The following JADE2 variants were observed in gnomAD, a reference collection of about 807,000 sequenced individuals.
The protein encoded by JADE2 is E3 ubiquitin-protein ligase Jade-2.
In JADE2, 13 loss-of-function variants were observed where a neutral mutation model predicts 85.7. The observed-to-expected ratio is 0.15, with a 90% confidence interval of 0.10 to 0.24. JADE2 has a LOEUF of 0.24. Among genes scored for constraint, JADE2 ranks in the 10% least tolerant of loss-of-function variants. The pLI is 1.00. For synonymous variants in JADE2, 440 were observed against 456.1 expected (o/e 0.96, Z 0.45); for missense variants, 846 against 1,115.9 (o/e 0.76, Z 3.45).
chr5:134,542,644 G>A (rs553629165), intron 3 of JADE2, among the ~76,000 whole-genome samples: 8 of 152,034 alleles, frequency 5.3e-5, no homozygotes, highest in East Asian at 1.9e-4. Context: ...GTTTCTCCAC[G>A]TTGGTCAGGG....
intron 2 of JADE2, among the ~76,000 whole-genome samples, chr5:134,537,452 C>A (rs184828146): frequency 6.7e-6 from 1 of 150,034 alleles, no homozygotes; most frequent in Non-Finnish European, 1.5e-5. Context: ...TCTTTTGCCC[C>A]CATTTTACAG....
intron 1 of JADE2, among the ~76,000 whole-genome samples, chr5:134,532,713 C>T (rs1016333093): frequency 6.6e-6 from 1 of 152,100 alleles, no homozygotes; most frequent in Non-Finnish European, 1.5e-5. Context: ...AGTGTGTTTG[C>T]AGTCCTGGAT....
intron 1 of JADE2, among the ~76,000 whole-genome samples, chr5:134,529,247 AGGAT>A (rs1404929823): frequency 7.0e-4 from 107 of 152,326 alleles, no homozygotes; most frequent in African/African-American, 2.4e-3. Context: ...GTTGGGGAGC[AGGAT>A]ACCCCTGGCT....
At chr5:134,561,422 TG>T (rs1763313101) in intron 6 of JADE2, among the ~76,000 whole-genome samples, 1 of 152,216 alleles carries the variant, frequency 6.6e-6, no homozygotes, top group African/African-American at 2.4e-5. Context: ...CGGATTAAAT[TG>T]TTTACTGTGG....
chr5:134,546,278 C>A (rs930697884), intron 3 of JADE2, among the ~76,000 whole-genome samples: 2 of 152,130 alleles, frequency 1.3e-5, no homozygotes, highest in African/African-American at 2.4e-5. Flanking sequence ...AGGCAGTCCT[C>A]CCGCTTGAGC....
chr5:134,560,599 C>T (rs1290206427), intron 5 of JADE2, 147 bp from the exon 6 acceptor site: 4 of 656,048 alleles, frequency 6.1e-6, no homozygotes, highest in African/African-American at 5.5e-5. Flanking sequence ...GAGGATGGAG[C>T]TGCTTCTCCC....
intron 4 of JADE2, among the ~76,000 whole-genome samples, chr5:134,555,488 G>A (rs1762858473): frequency 6.6e-6 from 1 of 152,224 alleles, no homozygotes. Flanking sequence ...AGAGCCAGAA[G>A]GGGGCAAACA....
intron 3 of JADE2, among the ~76,000 whole-genome samples, chr5:134,551,172 T>C (rs576904802): frequency 3.0e-4 from 46 of 152,254 alleles, no homozygotes; most frequent in African/African-American, 1.1e-3. Flanking sequence ...TGAACCTCAG[T>C]GGAAATGTCT....
Position 134,552,142 on chromosome 5 carries a change from C to A in JADE2, c.244C>A (p.Arg82=). ...DDYYILADPW[R]QEWEKGVQVP... ...CTACTACATCCTGGCAGACCCATGGCGACAGGAATGGGAGAAAGGTGTGCA... is the reference window on the plus strand; with the variant it reads ...CTACTACATCCTGGCAGACCCATGGAGACAGGAATGGGAGAAAGGTGTGCA... Residue 82 remains arginine, a synonymous_variant, in exon 4 of 12, where the codon CGA becomes AGA. Coordinates refer to ENST00000681547, the MANE Select transcript of JADE2 (RefSeq NM_001388185.1). The A allele has an allele frequency of 6.2e-7, 1 of 1,614,154 alleles. No individual in the cohort carries two copies. Among genetic ancestry groups the A allele is most frequent in the African/African-American group, 1.3e-5 (1 of 75,020 alleles).
chr5:134,553,843 C>T (rs1040925939), intron 4 of JADE2, among the ~76,000 whole-genome samples: 1 of 152,200 alleles, frequency 6.6e-6, no homozygotes, highest in Non-Finnish European at 1.5e-5. Context: ...CAGAGAGACC[C>T]CTGGCCGCTC....
At chr5:134,557,229 T>TTA (rs1409991610) in intron 4 of JADE2, among the ~76,000 whole-genome samples, 3 of 149,396 alleles carry the variant, frequency 2.0e-5, no homozygotes, top group African/African-American at 4.9e-5. Context: ...ATGATTATTA[T>TTA]TTTTTTTGTT....
chr5:134,530,793 CG>C, intron 1 of JADE2, among the ~76,000 whole-genome samples: 1 of 152,194 alleles, frequency 6.6e-6, no homozygotes, highest in Middle Eastern at 3.4e-3. Context: ...GAGGTTAAGA[CG>C]GGGAAGGCAG....
intron 11 of JADE2, among the ~76,000 whole-genome samples, chr5:134,577,413 G>T (rs1206057330): frequency 6.6e-6 from 1 of 152,238 alleles, no homozygotes; most frequent in Admixed American, 6.5e-5. Flanking sequence ...AATGGGAGCA[G>T]TGTGACTCAT....
intron 4 of JADE2, 21 bp downstream of exon 4, chr5:134,552,230 T>C: frequency 6.2e-7 from 1 of 1,606,708 alleles, no homozygotes; most frequent in Non-Finnish European, 8.5e-7. Flanking sequence ...CAGCCCAGGC[T>C]AGGGGGCCAT....
At chr5:134,577,281 C>CT (rs1199786542) in intron 11 of JADE2, among the ~76,000 whole-genome samples, 4 of 152,218 alleles carry the variant, frequency 2.6e-5, no homozygotes, top group African/African-American at 7.2e-5. Flanking sequence ...CCAGAATCCT[C>CT]TAAGTGGGCC....
In JADE2 at chr5:134,579,042, G is replaced by A. The variant is rs746433695; in HGVS notation, c.2230G>A (p.Ala744Thr). ...DSDVQVPGPA[A>T]SPKPLGRLRP... ...AGATGTCCAAGTGCCTGGCCCTGCA[G>A]CAAGCCCTAAGCCTTTGGGCCGGCT... The change falls in exon 12 of 12, where the codon GCA becomes ACA. Residue 744 changes from alanine (A) to threonine (T), a missense_variant. Ala to Thr is a moderately conservative substitution (Grantham distance 58, BLOSUM62 0). Coordinates refer to ENST00000681547, the MANE Select transcript of JADE2 (RefSeq NM_001388185.1). The surrounding 1 kb of genome is among the most constrained non-coding windows in gnomAD (Gnocchi z 4.6). 10 of 1,613,906 alleles carry A rather than the reference G, an allele frequency of 6.2e-6. No homozygotes were observed. The highest frequency in any genetic ancestry group is 1.3e-5 in the African/African-American group (1 of 74,944).
At chr5:134,539,043 T>TTTTATTTTATTTA (rs1554124817) in intron 3 of JADE2, among the ~76,000 whole-genome samples, 2 of 134,378 alleles carry the variant, frequency 1.5e-5, no homozygotes, top group East Asian at 4.2e-4. Flanking sequence ...TTTATTTTTA[T>TTTTATTTTATTTA]TTTATTTATT....
chr5:134,569,511 C>A (rs954621855), intron 9 of JADE2, among the ~76,000 whole-genome samples: 2 of 152,212 alleles, frequency 1.3e-5, no homozygotes, highest in South Asian at 4.1e-4. Flanking sequence ...TGACAAAAAT[C>A]GCAGCACTGT....
chr5:134,544,760 G>A (rs1416883929), intron 3 of JADE2, among the ~76,000 whole-genome samples: 7 of 152,176 alleles, frequency 4.6e-5, no homozygotes, highest in African/African-American at 9.7e-5. Context: ...GCAAGAGGGT[G>A]TCCCCCAGAC....
Sources: gnomAD v4.1 joint callset for allele counts (sites outside exome capture counted in the v4.1 genomes callset) on GRCh38, gnomAD v4.1.1 for gene constraint, Gnocchi (gnomAD v3.1) non-coding constraint, MANE v1.5 for transcripts, NCBI Gene and HGNC (gene_info 2026-07-23, HGNC 2026-07-21) for gene names.